The following KCNQ1OT1 variants were observed in gnomAD, a reference collection of about 807,000 sequenced individuals.
KCNQ1OT1 encodes the protein KCNQ1 opposite strand/antisense transcript 1, also known as KCNQ1 antisense RNA 2 (non-protein coding).
exon 1 of KCNQ1OT1, chr11:2,650,467 G>A (rs1849740303): frequency 5.0e-6 from 2 of 398,482 alleles, no homozygotes; most frequent in Admixed American, 4.4e-5. Context: ...TTTGGCTTTG[G>A]TTCTGGTTCA....
chr11:2,644,649 T>C (rs1849638933), exon 1 of KCNQ1OT1: 3 of 398,516 alleles, frequency 7.5e-6, no homozygotes, highest in Non-Finnish European at 1.3e-5. Context: ...CACTGGTATC[T>C]GCACATCTGG....
Position 2,612,439 on chromosome 11 carries a change from TTTTC to T in KCNQ1OT1, n.87552_87555del. 1 of 398,650 alleles carries T rather than the reference TTTTC, an allele frequency of 2.5e-6. No homozygotes were observed. Among genetic ancestry groups the T allele is most frequent in the Non-Finnish European group, 4.4e-6 (1 of 226,074 alleles). The allele number at this position is 398,650 out of a possible 1,614,324, so 24.7% of individuals were successfully genotyped here. The stretch of plus-strand genomic sequence containing the variant: ...GTATCTCTTCATTTTTCTTCATTAT[TTTTC>T]TTTCTATTCTTCAGTCTGAATCATC... On this transcript the variant is annotated non_coding_transcript_exon_variant, in exon 1 of 1. Coordinates refer to ENST00000597346, the Ensembl canonical transcript of KCNQ1OT1. This position sits in a 1 kb window ranked among gnomAD's most constrained non-coding sequence, Gnocchi z 5.5.
chr11:2,612,465 C>T lies in KCNQ1OT1; in HGVS notation n.87530G>A. The T allele has an allele frequency of 2.5e-6, 1 of 398,580 alleles. No homozygotes were observed. The highest frequency in any genetic ancestry group is 1.3e-4 in the South Asian group (1 of 7,844). 24.7% of individuals were successfully genotyped at this position (398,580 alleles called of 1,614,324 possible). On this transcript the variant is annotated non_coding_transcript_exon_variant, in exon 1 of 1. Coordinates refer to ENST00000597346, the Ensembl canonical transcript of KCNQ1OT1. This position sits in a 1 kb window ranked among gnomAD's most constrained non-coding sequence, Gnocchi z 5.5. Reference sequence around the variant, plus strand: ...TTTCTTTCTATTCTTCAGTCTGAATCATCTTTATGGATCTGCGTTGAAGTT... The same window carrying T: ...TTTCTTTCTATTCTTCAGTCTGAATTATCTTTATGGATCTGCGTTGAAGTT...
chr11:2,627,242 CCTA>C lies in KCNQ1OT1; in HGVS notation n.72750_72752del, dbSNP rs1220910056. On this transcript the variant is annotated non_coding_transcript_exon_variant, in exon 1 of 1. Coordinates refer to ENST00000597346, the Ensembl canonical transcript of KCNQ1OT1. This position sits in a 1 kb window ranked among gnomAD's most constrained non-coding sequence, Gnocchi z 4.9. ...TGCATATATTTAAGAACATATTTGA[CCTA>C]CTGTGAAATGATTACTACAATCAAG... 1 of 398,274 alleles carries C rather than the reference CCTA, an allele frequency of 2.5e-6. No individual in the cohort carries two copies. The highest frequency in any genetic ancestry group is 4.4e-6 in the Non-Finnish European group (1 of 226,030). 24.7% of individuals were successfully genotyped at this position (398,274 alleles called of 1,614,324 possible). A position where few individuals can be genotyped will look rare whatever the true frequency, so the allele number is the denominator to read the frequency against.
chr11:2,646,269 T>C (rs1849663962), exon 1 of KCNQ1OT1: 2 of 398,630 alleles, frequency 5.0e-6, no homozygotes, highest in East Asian at 7.1e-5. Context: ...TGGATAGGGA[T>C]TTCATAGCAT....
rs770263324 is a variant in KCNQ1OT1 at position 2,608,560 on chromosome 11, C to T, written n.91435G>A. ...GTGTAATCATAGCTCACTGTAACCT[C>T]GATCTCCTAGTCTCAAGTGATCCTT... On this transcript the variant is annotated non_coding_transcript_exon_variant, in exon 1 of 1. Coordinates refer to ENST00000597346, the Ensembl canonical transcript of KCNQ1OT1. The surrounding 1 kb of genome is among the most constrained non-coding windows in gnomAD (Gnocchi z 4.6). 8 of 398,458 alleles carry T rather than the reference C, an allele frequency of 2.0e-5. No individual in the cohort carries two copies. The South Asian group carries it at 6.4e-4, about 32-fold the overall frequency. 24.7% of individuals were successfully genotyped at this position (398,458 alleles called of 1,614,324 possible). A position where few individuals can be genotyped will look rare whatever the true frequency, so the allele number is the denominator to read the frequency against.
chr11:2,648,993 T>G (rs547003174), exon 1 of KCNQ1OT1: 3 of 392,872 alleles, frequency 7.6e-6, no homozygotes, highest in Admixed American at 4.5e-5. Flanking sequence ...TTTTTTTTTT[T>G]TTTTTTTTTT....
At chr11:2,619,558 T>C (rs1849128682) in exon 1 of KCNQ1OT1, 1 of 398,462 alleles carries the variant, frequency 2.5e-6, no homozygotes, top group Non-Finnish European at 4.4e-6. Flanking sequence ...ATTGTTAAAT[T>C]TAGTCTGCCA....
chr11:2,629,649 G>A, exon 1 of KCNQ1OT1: 1 of 398,428 alleles, frequency 2.5e-6, no homozygotes, highest in Non-Finnish European at 4.4e-6. Context: ...ATATATGAAA[G>A]GATTTATTTG....
At chr11:2,609,425 G>A in exon 1 of KCNQ1OT1, 2 of 398,410 alleles carry the variant, frequency 5.0e-6, no homozygotes, top group East Asian at 7.1e-5. Flanking sequence ...ATGCAGGTTT[G>A]TTTCGTGACT....
rs2133866307 is a variant in KCNQ1OT1, at chr11:2,669,277, C to G, written n.30718G>C. 1 of 398,718 alleles carries G rather than the reference C, an allele frequency of 2.5e-6. No homozygotes were observed. Among genetic ancestry groups the G allele is most frequent in the Non-Finnish European group, 4.4e-6 (1 of 226,126 alleles). The allele number at this position is 398,718 out of a possible 1,614,324, so 24.7% of individuals were successfully genotyped here. A position where few individuals can be genotyped will look rare whatever the true frequency, so the allele number is the denominator to read the frequency against. On this transcript the variant is annotated non_coding_transcript_exon_variant, in exon 1 of 1. Coordinates refer to ENST00000597346, the Ensembl canonical transcript of KCNQ1OT1. The surrounding 1 kb of genome is among the most constrained non-coding windows in gnomAD (Gnocchi z 5.6). Reference sequence around the variant, plus strand: ...CCCATCACTGGCTTTGCTGTCTTTGCAGGGTTTCTCCTCACCATACATATG... The same window carrying G: ...CCCATCACTGGCTTTGCTGTCTTTGGAGGGTTTCTCCTCACCATACATATG...
At position 2,623,742 on chromosome 11, in the gene KCNQ1OT1, AT is replaced by A; in HGVS notation, n.76252del. 1 of 398,522 alleles carries A rather than the reference AT, an allele frequency of 2.5e-6. No homozygotes were observed. The highest frequency in any genetic ancestry group is 4.4e-6 in the Non-Finnish European group (1 of 226,036). 24.7% of individuals were successfully genotyped at this position (398,522 alleles called of 1,614,324 possible). ...AGCTTCTGTAAACATCTCTGTGCAG[AT>A]TTTTATGTGAATATAAGTCTTCACC... is the stretch of plus-strand genomic sequence containing the variant. On this transcript the variant is annotated non_coding_transcript_exon_variant, in exon 1 of 1. Coordinates refer to ENST00000597346, the Ensembl canonical transcript of KCNQ1OT1. The surrounding 1 kb of genome is among the most constrained non-coding windows in gnomAD (Gnocchi z 5.2).
chr11:2,630,748 A>G (rs1849339468), exon 1 of KCNQ1OT1: 2 of 398,338 alleles, frequency 5.0e-6, no homozygotes, highest in Non-Finnish European at 8.8e-6. Context: ...TCCCTCTGGC[A>G]TATCTTGTAA....
exon 1 of KCNQ1OT1, chr11:2,641,428 A>T: frequency 2.5e-6 from 1 of 397,692 alleles, no homozygotes; most frequent in Non-Finnish European, 4.4e-6. Context: ...GGCTACTTGT[A>T]TGTTTTCTTT....
At chr11:2,655,592 C>T in exon 1 of KCNQ1OT1, 1 of 398,694 alleles carries the variant, frequency 2.5e-6, no homozygotes, top group South Asian at 1.3e-4. Context: ...GGGTGACAAG[C>T]AAGACCTGTT....
In KCNQ1OT1 at chr11:2,663,832, G is replaced by C. The variant is rs1375303756; in HGVS notation, n.36163C>G. ...GTGAGGGCTGCCAGTGCTGGTATCA[G>C]CACATGCCAAGCTCCCTGGAGCCAG... On this transcript the variant is annotated non_coding_transcript_exon_variant, in exon 1 of 1. Transcript: ENST00000597346. The surrounding 1 kb of genome is among the most constrained non-coding windows in gnomAD (Gnocchi z 5.2). 2 of 398,598 alleles carry C rather than the reference G, an allele frequency of 5.0e-6. No individual in the cohort carries two copies. Among genetic ancestry groups the C allele is most frequent in the Non-Finnish European group, 8.8e-6 (2 of 226,150 alleles). 24.7% of individuals were successfully genotyped at this position (398,598 alleles called of 1,614,324 possible).
In KCNQ1OT1 at chr11:2,671,263, T is replaced by G. The variant is rs1168480882; in HGVS notation, n.28732A>C. On this transcript the variant is annotated non_coding_transcript_exon_variant, in exon 1 of 1. Transcript: ENST00000597346. The surrounding 1 kb of genome is among the most constrained non-coding windows in gnomAD (Gnocchi z 4.7). ...ACCTCAAAATCCGATGTCCCCACCA[T>G]CCCCAGCCCCTTAGCCTCTGATCTT... 1 of 398,470 alleles carries G rather than the reference T, an allele frequency of 2.5e-6. No individual in the cohort carries two copies. Among genetic ancestry groups the G allele is most frequent in the Admixed American group, 4.4e-5 (1 of 22,712 alleles). 24.7% of individuals were successfully genotyped at this position (398,470 alleles called of 1,614,324 possible). A position where few individuals can be genotyped will look rare whatever the true frequency, so the allele number is the denominator to read the frequency against.
chr11:2,645,885 C>G lies in KCNQ1OT1; in HGVS notation n.54110G>C. 1 of 398,626 alleles carries G rather than the reference C, an allele frequency of 2.5e-6. No individual in the cohort carries two copies. Among genetic ancestry groups the G allele is most frequent in the Non-Finnish European group, 4.4e-6 (1 of 226,088 alleles). The allele number at this position is 398,626 out of a possible 1,614,324, so 24.7% of individuals were successfully genotyped here. On this transcript the variant is annotated non_coding_transcript_exon_variant, in exon 1 of 1. Coordinates refer to ENST00000597346, the Ensembl canonical transcript of KCNQ1OT1. The surrounding 1 kb of genome is among the most constrained non-coding windows in gnomAD (Gnocchi z 5.8). ...CCTGAGGATTCAGGGTGATCTCCCT[C>G]TCTGGGAGCTGTTCATTGCCATTTC...
At position 2,678,433 on chromosome 11, in the gene KCNQ1OT1, T is replaced by A. The variant is rs894654517; in HGVS notation, n.21562A>T. ...CAACACTATTTATTTGAGTACATCA[T>A]CATCTCTCTACTAATTTCAACTGCT... On this transcript the variant is annotated non_coding_transcript_exon_variant, in exon 1 of 1. Transcript: ENST00000597346. This position sits in a 1 kb window ranked among gnomAD's most constrained non-coding sequence, Gnocchi z 4.9. 9 of 398,664 alleles carry A rather than the reference T, an allele frequency of 2.3e-5. No individual in the cohort carries two copies. Among genetic ancestry groups the A allele is most frequent in the African/African-American group, 1.8e-4 (9 of 48,772 alleles). The allele number at this position is 398,664 out of a possible 1,614,324, so 24.7% of individuals were successfully genotyped here. A position where few individuals can be genotyped will look rare whatever the true frequency, so the allele number is the denominator to read the frequency against.
Sources: allele counts gnomAD v4.1 joint callset, GRCh38; gene constraint gnomAD v4.1.1; non-coding constraint Gnocchi (gnomAD v3.1); transcripts MANE v1.5; gene names NCBI Gene and HGNC (gene_info 2026-07-23, HGNC 2026-07-21).